Variants in SGCD observed in about 807,000 individuals in gnomAD.
SGCD encodes the protein sarcoglycan delta.
Under a neutral mutation model 36.6 loss-of-function variants are expected in SGCD, and 18 were observed. That is an observed-to-expected ratio of 0.49 (90% CI 0.34 to 0.73). The LOEUF (loss-of-function observed/expected upper bound fraction) is 0.73. SGCD is among the 30% of genes least tolerant of loss of function. The probability of loss-of-function intolerance (pLI) is 0.01; values close to 1 mark genes in which losing one functional copy is unlikely to be tolerated. For synonymous variants in SGCD, 133 were observed against 130.6 expected, an observed-to-expected ratio of 1.02 and a Z score of -0.12; for missense variants, 387 against 346.7, an observed-to-expected ratio of 1.12 and a Z score of -0.92.
chr5:155,952,315 A>G (rs1205709317), intron 1 of SGCD, among the ~76,000 whole-genome samples: 1 of 152,024 alleles, frequency 6.6e-6, no homozygotes, highest in Non-Finnish European at 1.5e-5. Flanking sequence ...CATGCATTAT[A>G]CTGCGTCAAA....
At chr5:156,727,781 T>C (rs1438746914) in intron 7 of SGCD, among the ~76,000 whole-genome samples, 2 of 152,220 alleles carry the variant, frequency 1.3e-5, no homozygotes, top group Non-Finnish European at 2.9e-5. Flanking sequence ...TAGGACTTAA[T>C]AGAGAAGGTA....
intron 7 of SGCD, among the ~76,000 whole-genome samples, chr5:156,693,822 A>G (rs994327923): frequency 5.9e-5 from 9 of 152,200 alleles, no homozygotes; most frequent in Non-Finnish European, 1.3e-4. Context: ...TTAGCTGCCA[A>G]TACTTAGAAA....
the SGCD span, among the ~76,000 whole-genome samples, chr5:155,740,395 T>G: frequency 0.82 from 125,229 of 152,152 alleles, 51,731 homozygotes; most frequent in East Asian, 0.99. Context: ...AATGTTTTCC[T>G]TGCATTTATT....
At chr5:156,273,736 C>A (rs1231609005) in intron 3 of SGCD, among the ~76,000 whole-genome samples, 1 of 152,076 alleles carries the variant, frequency 6.6e-6, no homozygotes, top group Non-Finnish European at 1.5e-5. Context: ...TCATTGCTGG[C>A]AAATGGAGAT....
At chr5:156,366,428 A>C (rs1213126045) in intron 3 of SGCD, among the ~76,000 whole-genome samples, 2 of 152,180 alleles carry the variant, frequency 1.3e-5, no homozygotes, top group Non-Finnish European at 2.9e-5. Context: ...AGGGGAAATC[A>C]CCCAGGAAAT....
chr5:156,150,086 C>T (rs1230230806), intron 3 of SGCD, among the ~76,000 whole-genome samples: 1 of 152,116 alleles, frequency 6.6e-6, no homozygotes, highest in East Asian at 1.9e-4. Context: ...CAGAAGTGTG[C>T]TGTTAGAATT....
In SGCD at chr5:156,494,305, T is replaced by G. The variant is rs1376903394; in HGVS notation, c.193-14296T>G. Among the ~76,000 whole-genome samples, 5 of 148,918 alleles carry G rather than the reference T, an allele frequency of 3.4e-5. No individual in the cohort carries two copies. The East Asian group carries it at 9.9e-4, about 29-fold the overall frequency. On this transcript the variant is annotated intron_variant, in intron 3 of 8. Transcript: ENST00000337851. ...GACTAGTAAGTGATGGGACCTGGAC[T>G]CAAAAAACTCTTTTTTTTAATCCCC...
chr5:155,867,053 A>C (rs1208010110), upstream of SGCD, among the ~76,000 whole-genome samples: 1 of 152,174 alleles, frequency 6.6e-6, no homozygotes, highest in African/African-American at 2.4e-5. Context: ...GTTTCTAGAG[A>C]AAATGATGGA....
chr5:156,298,960 T>C (rs1408022854), intron 3 of SGCD, among the ~76,000 whole-genome samples: 5 of 152,198 alleles, frequency 3.3e-5, no homozygotes, highest in Non-Finnish European at 1.5e-5. Flanking sequence ...ATTGCACTTG[T>C]ATTTTTGCTG....
chr5:156,173,705 A>G (rs946886429), intron 3 of SGCD, among the ~76,000 whole-genome samples: 1 of 152,158 alleles, frequency 6.6e-6, no homozygotes, highest in Non-Finnish European at 1.5e-5. Flanking sequence ...GGGAGATCTT[A>G]AAATTCCCCA....
chr5:155,880,295 G>A (rs995343155), intron 1 of SGCD, among the ~76,000 whole-genome samples: 1 of 152,122 alleles, frequency 6.6e-6, no homozygotes, highest in African/African-American at 2.4e-5. Flanking sequence ...TAAATGCTAG[G>A]TATCTCAAGT....
At chr5:156,099,039 C>G (rs959822281) in intron 1 of SGCD, among the ~76,000 whole-genome samples, 1 of 152,204 alleles carries the variant, frequency 6.6e-6, no homozygotes, top group Non-Finnish European at 1.5e-5. Flanking sequence ...GGGCTGCCTT[C>G]CCTCCTCATG....
the SGCD span, among the ~76,000 whole-genome samples, chr5:155,753,219 C>T: frequency 6.6e-6 from 1 of 152,178 alleles, no homozygotes; most frequent in Non-Finnish European, 1.5e-5. Context: ...CGCCTGTAGT[C>T]CCACCTACTC....
chr5:155,759,447 G>C, the SGCD span, among the ~76,000 whole-genome samples: 1 of 152,072 alleles, frequency 6.6e-6, no homozygotes. Flanking sequence ...TATTAATGCA[G>C]AGTAAGCATT....
At chr5:156,122,940 G>A (rs1345155092) in intron 2 of SGCD, among the ~76,000 whole-genome samples, 3 of 144,690 alleles carry the variant, frequency 2.1e-5, no homozygotes, top group Non-Finnish European at 4.5e-5. Flanking sequence ...CTGATGAAAT[G>A]GACAATGTGA....
At chr5:156,205,821 G>A (rs1764261104) in intron 3 of SGCD, among the ~76,000 whole-genome samples, 1 of 151,798 alleles carries the variant, frequency 6.6e-6, no homozygotes, top group South Asian at 2.1e-4. Flanking sequence ...TTATCTAGGA[G>A]TCAATGGGAT....
At chr5:156,252,969 A>T (rs1419756249) in intron 3 of SGCD, among the ~76,000 whole-genome samples, 2 of 152,216 alleles carry the variant, frequency 1.3e-5, no homozygotes, top group Non-Finnish European at 2.9e-5. Flanking sequence ...CTACTCTTAG[A>T]ATATCCTTGT....
intron 3 of SGCD, among the ~76,000 whole-genome samples, chr5:156,433,904 A>G (rs550037369): frequency 6.6e-6 from 1 of 152,282 alleles, no homozygotes; most frequent in South Asian, 2.1e-4. Context: ...TTGTTGTCTC[A>G]ATGTCCAATA....
intron 3 of SGCD, among the ~76,000 whole-genome samples, chr5:156,186,802 C>T (rs1393753279): frequency 1.3e-5 from 2 of 152,196 alleles, no homozygotes; most frequent in Admixed American, 1.3e-4. Context: ...CTCCCCTTTA[C>T]TTTTCCTCCC....
Sources: gnomAD v4.1 joint callset for allele counts (sites outside exome capture counted in the v4.1 genomes callset) on GRCh38, gnomAD v4.1.1 for gene constraint, MANE v1.5 for transcripts, NCBI Gene and HGNC (gene_info 2026-07-23, HGNC 2026-07-21) for gene names.